Variants in UNC5C observed in about 807,000 individuals in gnomAD.
UNC5C encodes netrin receptor UNC5C.
In UNC5C, 47 loss-of-function variants were observed where a neutral mutation model predicts 99.8. The observed-to-expected ratio is 0.47, with a 90% CI of 0.37 to 0.60. The LOEUF (loss-of-function observed/expected upper bound fraction) is 0.60, where lower values mean the gene tolerates loss of function less well. Ranked by LOEUF, UNC5C falls within the 20% of genes least tolerant of loss-of-function variation. The pLI is 0.00. For synonymous variants in UNC5C, 487 were observed against 452.2 expected, an observed-to-expected ratio of 1.08 and a Z score of -0.98; for missense variants, 1,062 against 1,165.9, an observed-to-expected ratio of 0.91 and a Z score of 1.30.
At chr4:95,472,187 T>C (rs1455717486) in intron 1 of UNC5C, among the ~76,000 whole-genome samples, 1 of 152,170 alleles carries the variant, frequency 6.6e-6, no homozygotes, top group Non-Finnish European at 1.5e-5. Context: ...TTAATCTGTA[T>C]TATTTTAAAA....
chr4:95,433,380 A>G (rs1297966269), intron 1 of UNC5C, among the ~76,000 whole-genome samples: 2 of 152,130 alleles, frequency 1.3e-5, no homozygotes, highest in African/African-American at 2.4e-5. Flanking sequence ...GGGATTTTGT[A>G]TGATTATTAT....
At chr4:95,406,434 A>T (rs113722559) in intron 1 of UNC5C, among the ~76,000 whole-genome samples, 2,168 of 152,316 alleles carry the variant, frequency 0.014, 33 homozygotes, top group Middle Eastern at 0.034. Context: ...CCTTGACATC[A>T]TCTGAAAAGT....
chr4:95,209,846 A>C (rs1738016705), intron 10 of UNC5C, among the ~76,000 whole-genome samples: 1 of 151,968 alleles, frequency 6.6e-6, no homozygotes, highest in South Asian at 2.1e-4. Context: ...CTGGAGGGGG[A>C]AAAAACCAAT....
intron 1 of UNC5C, among the ~76,000 whole-genome samples, chr4:95,423,652 AAAG>A (rs1746381604): frequency 1.3e-5 from 2 of 152,258 alleles, no homozygotes; most frequent in South Asian, 4.1e-4. Context: ...GAAGACATTT[AAAG>A]AAGACTTAGA....
At chr4:95,332,706 C>A (rs4699417) in intron 2 of UNC5C, among the ~76,000 whole-genome samples, 53,102 of 142,466 alleles carry the variant, frequency 0.37, 11,307 homozygotes, top group East Asian at 0.82. Flanking sequence ...GCAACAAAAG[C>A]CAAAATTGAC....
chr4:95,528,851 C>T (rs1578210972), intron 1 of UNC5C, among the ~76,000 whole-genome samples: 1 of 152,226 alleles, frequency 6.6e-6, no homozygotes, highest in East Asian at 1.9e-4. Context: ...TATAACTGTA[C>T]ATGGCTGTAA....
At chr4:95,173,819 G>C (rs1300754643) in intron 14 of UNC5C, among the ~76,000 whole-genome samples, 5 of 151,982 alleles carry the variant, frequency 3.3e-5, no homozygotes, top group South Asian at 4.2e-4. Context: ...AGGAATGGTA[G>C]CAGCTCCTCC....
chr4:95,531,573 T>G (rs1006065464), intron 1 of UNC5C, among the ~76,000 whole-genome samples: 2 of 152,264 alleles, frequency 1.3e-5, no homozygotes, highest in African/African-American at 4.8e-5. Flanking sequence ...TAACACCTTA[T>G]AATGATACAT....
At chr4:95,269,734 C>T (rs1740586698) in intron 4 of UNC5C, among the ~76,000 whole-genome samples, 1 of 151,236 alleles carries the variant, frequency 6.6e-6, no homozygotes, top group African/African-American at 2.4e-5. Context: ...TTAAATGAGA[C>T]CGAGTTTCAC....
chr4:95,481,395 G>A (rs1721148886), intron 1 of UNC5C, among the ~76,000 whole-genome samples: 1 of 151,912 alleles, frequency 6.6e-6, no homozygotes, highest in Non-Finnish European at 1.5e-5. Context: ...CCATGCTCAT[G>A]GGTAGGAAGA....
rs182489208 is a variant in UNC5C at position 95,182,188 on chromosome 4, A to G, written c.2451+709T>C. 3.4e-3 allele frequency among the ~76,000 whole-genome samples: 514 copies of G among 152,282 alleles called. 1 individual carries two copies. Among genetic ancestry groups the G allele is most frequent in the African/African-American group, 0.012 (492 of 41,568 alleles). ...GAAGTTTTAGATAGCAGTGATCACT[A>G]TTATTTCTGTAATATGGACACAGGG... is the stretch of plus-strand genomic sequence containing the variant. On this transcript the variant is annotated intron_variant, in intron 14 of 15. Coordinates refer to ENST00000453304, the MANE Select transcript of UNC5C (RefSeq NM_003728.4).
intron 1 of UNC5C, among the ~76,000 whole-genome samples, chr4:95,425,338 T>C (rs564099255): frequency 6.6e-6 from 1 of 152,384 alleles, no homozygotes; most frequent in African/African-American, 2.4e-5. Context: ...ATTTTATTTT[T>C]TGAGACGGAG....
At chr4:95,173,785 T>G (rs1037085337) in intron 14 of UNC5C, among the ~76,000 whole-genome samples, 2 of 152,216 alleles carry the variant, frequency 1.3e-5, no homozygotes, top group African/African-American at 4.8e-5. Flanking sequence ...TCCCTCTTTT[T>G]CTATTGATTG....
intron 1 of UNC5C, among the ~76,000 whole-genome samples, chr4:95,359,231 C>A (rs1744306947): frequency 6.6e-6 from 1 of 152,102 alleles, no homozygotes; most frequent in African/African-American, 2.4e-5. Flanking sequence ...TAAGTATTTT[C>A]ACTGTTGAGA....
intron 4 of UNC5C, 120 bp downstream of exon 4, chr4:95,278,139 C>A: frequency 1.2e-6 from 1 of 808,532 alleles, no homozygotes; most frequent in Non-Finnish European, 2.0e-6. Flanking sequence ...GCAGTTAGGA[C>A]TCTATTACCA....
In UNC5C at chr4:95,413,604, G is replaced by C. The variant is rs181349022; in HGVS notation, c.125-77973C>G. Among the ~76,000 whole-genome samples the C allele has an allele frequency of 6.0e-4, 91 of 152,318 alleles. 1 individual carries two copies. The Middle Eastern group carries it at 0.017, about 28-fold the overall frequency. ...CATCTTCCCAGTGGTGGAAATGAAG[G>C]TTTGAAAGCTACACAGACTGCGGAA... On this transcript the variant is annotated intron_variant, in intron 1 of 15. Transcript: ENST00000453304.
chr4:95,441,725 A>G (rs890407035), intron 1 of UNC5C, among the ~76,000 whole-genome samples: 15 of 152,200 alleles, frequency 9.9e-5, no homozygotes, highest in Non-Finnish European at 2.1e-4. Flanking sequence ...ACAGCAAAAG[A>G]CCTGTATCAT....
chr4:95,444,042 G>C (rs973813618), intron 1 of UNC5C, among the ~76,000 whole-genome samples: 2 of 152,080 alleles, frequency 1.3e-5, no homozygotes, highest in African/African-American at 4.8e-5. Context: ...TTAATATAGC[G>C]CATCTCCATA....
chr4:95,253,097 C>A (rs1739804627), intron 4 of UNC5C, among the ~76,000 whole-genome samples: 1 of 152,086 alleles, frequency 6.6e-6, no homozygotes. Flanking sequence ...GAACATTCAA[C>A]CTGTACTAGG....
Sources: allele counts gnomAD v4.1 joint callset (sites outside exome capture counted in the v4.1 genomes callset), GRCh38; gene constraint gnomAD v4.1.1; transcripts MANE v1.5; gene names NCBI Gene and HGNC (gene_info 2026-07-23, HGNC 2026-07-21).